Variants in MAMDC2 observed in about 807,000 individuals in gnomAD.
MAMDC2 encodes the protein MAM domain-containing protein 2.
A neutral mutation model predicts 89.8 loss-of-function variants in MAMDC2; 57 were observed. The observed-to-expected ratio is 0.63, with a 90% CI of 0.51 to 0.79. The LOEUF is 0.79. Ranked by LOEUF, MAMDC2 falls within the 30% of genes least tolerant of loss-of-function variation. The pLI, the probability that MAMDC2 is intolerant of heterozygous loss-of-function variation, is 0.00. For synonymous variants in MAMDC2, 313 were observed against 293.4 expected (o/e 1.07, Z -0.68); for missense variants, 800 against 820.6 (o/e 0.97, Z 0.31).
At chr9:70,094,683 G>T (rs1353178818) in intron 2 of MAMDC2, among the ~76,000 whole-genome samples, 2 of 152,150 alleles carry the variant, frequency 1.3e-5, no homozygotes, top group African/African-American at 4.8e-5. Context: ...CCATCAGGAA[G>T]AAGTTTACCC....
At chr9:70,107,546 C>T (rs1276013284) in intron 2 of MAMDC2, among the ~76,000 whole-genome samples, 1 of 152,104 alleles carries the variant, frequency 6.6e-6, no homozygotes, top group Non-Finnish European at 1.5e-5. Flanking sequence ...CAAGTGTTTC[C>T]TCATTTATTT....
Position 70,131,551 on chromosome 9 carries a change from G to A in MAMDC2, c.933G>A (p.Lys311=), listed in dbSNP as rs1213991440. 4 of 1,608,692 alleles carry A rather than the reference G, an allele frequency of 2.5e-6. No homozygotes were observed. Among genetic ancestry groups the A allele is most frequent in the Admixed American group, 3.4e-5 (2 of 58,214 alleles). Residue 311 remains lysine, a synonymous_variant, in exon 7 of 14, where the codon AAG becomes AAA. Coordinates refer to ENST00000377182, the MANE Select transcript of MAMDC2 (RefSeq NM_153267.5). ...VIFEVAFNGP[K]GGYVALDDIS... is the part of the protein sequence containing the mutation. ...TTGAAGTTGCTTTCAATGGTCCCAAGGGAGGTTATGTTGCCCTGGATGATA... is the reference window on the plus strand; with the variant it reads ...TTGAAGTTGCTTTCAATGGTCCCAAAGGAGGTTATGTTGCCCTGGATGATA...
At chr9:70,055,303 A>G (rs561799863) in intron 2 of MAMDC2, among the ~76,000 whole-genome samples, 20 of 152,262 alleles carry the variant, frequency 1.3e-4, no homozygotes, top group African/African-American at 4.3e-4. Context: ...TTTCACAACA[A>G]TCTTGAAGGT....
chr9:70,126,278 C>A lies in MAMDC2; in HGVS notation c.763C>A (p.Gln255Lys), dbSNP rs148363356. ...CCTGTCATTTTATTACCAGATCCAG[C>A]AGGGGAATGACAATGTCTTTTCCCT... Reference protein sequence around the residue: ...GCLSFYYQIQQGNDNVFSLYT... With the variant: ...GCLSFYYQIQKGNDNVFSLYT... Residue 255 changes from glutamine (Q) to lysine (K), a missense_variant, in exon 6 of 14, where the codon CAG (glutamine) becomes AAG (lysine). Coordinates refer to ENST00000377182, the MANE Select transcript of MAMDC2 (RefSeq NM_153267.5). 1 of 1,614,196 alleles carries A rather than the reference C, an allele frequency of 6.2e-7. No individual in the cohort carries two copies. The highest frequency in any genetic ancestry group is 1.3e-5 in the African/African-American group (1 of 75,050).
chr9:70,051,115 G>A (rs1014311541), intron 2 of MAMDC2, among the ~76,000 whole-genome samples: 8 of 152,176 alleles, frequency 5.3e-5, no homozygotes, highest in Non-Finnish European at 1.2e-4. Flanking sequence ...TGGCCTTCCT[G>A]TCAATCAGTC....
At chr9:70,079,395 G>A (rs939203067) in intron 2 of MAMDC2, 1 of 152,148 alleles carries the variant, frequency 6.6e-6, no homozygotes, top group Non-Finnish European at 1.5e-5. Flanking sequence ...ATTATAAACT[G>A]CTATAAGAAT....
chr9:70,199,393 T>G (rs1321234016), intron 11 of MAMDC2, among the ~76,000 whole-genome samples: 2 of 147,792 alleles, frequency 1.4e-5, no homozygotes, highest in African/African-American at 5.0e-5. Flanking sequence ...TCATTTTTTA[T>G]GGCTGCATAG....
chr9:70,064,441 A>C (rs1827219183), intron 2 of MAMDC2, among the ~76,000 whole-genome samples: 1 of 152,198 alleles, frequency 6.6e-6, no homozygotes, highest in African/African-American at 2.4e-5. Flanking sequence ...CGGATATATG[A>C]ATTAAAATTT....
intron 2 of MAMDC2, among the ~76,000 whole-genome samples, chr9:70,104,474 A>G (rs911060832): frequency 5.9e-5 from 9 of 152,330 alleles, no homozygotes; most frequent in Non-Finnish European, 1.2e-4. Flanking sequence ...ATTTTTATAT[A>G]CAAAAACACT....
intron 11 of MAMDC2, among the ~76,000 whole-genome samples, chr9:70,184,945 G>A (rs2032719301): frequency 6.6e-6 from 1 of 152,082 alleles, no homozygotes; most frequent in Non-Finnish European, 1.5e-5. Flanking sequence ...TGATCATTTA[G>A]AGAAGAAGCA....
chr9:70,224,018 T>C (rs2033607893), intron 12 of MAMDC2, among the ~76,000 whole-genome samples: 1 of 152,142 alleles, frequency 6.6e-6, no homozygotes, highest in Admixed American at 6.5e-5. Flanking sequence ...TCAGGTAATT[T>C]TATTACTCTT....
At chr9:70,081,241 GTC>G (rs1827646930) in intron 2 of MAMDC2, among the ~76,000 whole-genome samples, 2 of 151,978 alleles carry the variant, frequency 1.3e-5, no homozygotes, top group African/African-American at 4.8e-5. Context: ...ATGTGGTTTG[GTC>G]TAGTGATAGA....
Position 70,134,162 on chromosome 9 carries a change from A to G in MAMDC2, c.994+2550A>G, listed in dbSNP as rs186630225. 1.1e-4 allele frequency among the ~76,000 whole-genome samples: 17 copies of G among 152,178 alleles called. No individual in the cohort carries two copies. In the East Asian group the frequency reaches 3.1e-3, roughly 28 times the overall value. ...AATAGGCTAAGACAGGAATCATATCAACATACACAGCATCTTGTTCCCACC... is the reference window on the plus strand; with the variant it reads ...AATAGGCTAAGACAGGAATCATATCGACATACACAGCATCTTGTTCCCACC... On this transcript the variant is annotated intron_variant, in intron 7 of 13. Coordinates refer to ENST00000377182, the MANE Select transcript of MAMDC2 (RefSeq NM_153267.5).
intron 2 of MAMDC2, among the ~76,000 whole-genome samples, chr9:70,096,347 C>A (rs950222484): frequency 6.6e-6 from 1 of 152,144 alleles, no homozygotes; most frequent in Non-Finnish European, 1.5e-5. Context: ...CTAAGAAAGG[C>A]CCAGGCTAAC....
intron 11 of MAMDC2, among the ~76,000 whole-genome samples, chr9:70,199,834 C>T (rs1418627415): frequency 6.8e-6 from 1 of 148,030 alleles, no homozygotes; most frequent in Non-Finnish European, 1.5e-5. Flanking sequence ...TGTTTTTTGG[C>T]TGCATAAATG....
intron 9 of MAMDC2, among the ~76,000 whole-genome samples, chr9:70,165,356 G>T (rs1733303505): frequency 6.6e-6 from 1 of 152,182 alleles, no homozygotes; most frequent in African/African-American, 2.4e-5. Flanking sequence ...GACATGATCA[G>T]CATTACTAAT....
chr9:70,205,047 G>A (rs141750573), intron 11 of MAMDC2, among the ~76,000 whole-genome samples: 1 of 152,234 alleles, frequency 6.6e-6, no homozygotes, highest in East Asian at 1.9e-4. Context: ...CTGTAGACCA[G>A]AGCTGTTCCT....
chr9:70,056,241 C>A (rs1827022134), intron 2 of MAMDC2, among the ~76,000 whole-genome samples: 1 of 152,164 alleles, frequency 6.6e-6, no homozygotes, highest in African/African-American at 2.4e-5. Context: ...TCTTCTATTT[C>A]TTTGACTTTA....
chr9:70,086,227 A>G (rs1273793941), intron 2 of MAMDC2: 2 of 146,346 alleles, frequency 1.4e-5, no homozygotes, highest in Non-Finnish European at 3.0e-5. Context: ...TTTTACTGTA[A>G]TGATAATTTA....
Sources: allele counts gnomAD v4.1 joint callset (sites outside exome capture counted in the v4.1 genomes callset), GRCh38; gene constraint gnomAD v4.1.1; transcripts MANE v1.5; gene names NCBI Gene and HGNC (gene_info 2026-07-23, HGNC 2026-07-21).